Variants in CNTNAP2 observed in about 807,000 individuals in gnomAD.
CNTNAP2 encodes contactin associated protein 2.
Under a neutral mutation model 155.2 loss-of-function variants are expected in CNTNAP2, and 98 were observed. The observed-to-expected ratio is 0.63, with a 90% CI of 0.54 to 0.75. CNTNAP2 has a LOEUF of 0.75. CNTNAP2 is among the 30% of genes least tolerant of loss of function. CNTNAP2 has a pLI of 0.00. For synonymous variants in CNTNAP2, 651 were observed against 631.2 expected (o/e 1.03, Z -0.47); for missense variants, 1,727 against 1,688.1 (o/e 1.02, Z -0.40).
At chr7:147,440,043 G>A (rs974107316) in intron 10 of CNTNAP2, among the ~76,000 whole-genome samples, 5 of 151,938 alleles carry the variant, frequency 3.3e-5, no homozygotes, top group African/African-American at 1.2e-4. Flanking sequence ...TCATTGGAGA[G>A]TTTAGTACAT....
chr7:146,874,918 A>G (rs1795389573), intron 3 of CNTNAP2, among the ~76,000 whole-genome samples: 1 of 152,182 alleles, frequency 6.6e-6, no homozygotes, highest in Admixed American at 6.5e-5. Flanking sequence ...CCTATTGTGC[A>G]ATCATTCTTG....
chr7:148,310,315 C>G (rs1436925598), intron 21 of CNTNAP2, among the ~76,000 whole-genome samples: 1 of 152,204 alleles, frequency 6.6e-6, no homozygotes, highest in Non-Finnish European at 1.5e-5. Context: ...TAAGAATATA[C>G]AGAGTCCTCC....
rs1803097074 is a variant in CNTNAP2, at chr7:146,813,063, G to A, written c.209-26648G>A. On this transcript the variant is annotated intron_variant, in intron 2 of 23. Transcript: ENST00000361727. ...TGTGTGGAAATGCCTGGATGTCTAG[G>A]CAGAAGTTTGCTGCAGGGGTGGAGC... 3.3e-5 allele frequency among the ~76,000 whole-genome samples: 5 copies of A among 152,202 alleles called. No homozygotes were observed. In the South Asian group the frequency reaches 1.0e-3, roughly 32 times the overall value.
chr7:147,190,980 A>C (rs1483244894), intron 8 of CNTNAP2, among the ~76,000 whole-genome samples: 1 of 152,066 alleles, frequency 6.6e-6, no homozygotes, highest in Non-Finnish European at 1.5e-5. Flanking sequence ...AATAATAAGA[A>C]AAAAGTCAGG....
chr7:147,559,628 AAAG>A (rs1800020602), intron 11 of CNTNAP2, among the ~76,000 whole-genome samples: 1 of 152,178 alleles, frequency 6.6e-6, no homozygotes, highest in African/African-American at 2.4e-5. Flanking sequence ...TTATAATGGA[AAAG>A]AAGGGGAATG....
intron 3 of CNTNAP2, among the ~76,000 whole-genome samples, chr7:146,928,463 G>A (rs1796658492): frequency 1.3e-5 from 2 of 152,140 alleles, no homozygotes. Flanking sequence ...CAGCCAAGAT[G>A]GCCAAATAGG....
intron 8 of CNTNAP2, among the ~76,000 whole-genome samples, chr7:147,154,863 C>T (rs1801892437): frequency 6.6e-6 from 1 of 151,284 alleles, no homozygotes; most frequent in African/African-American, 2.4e-5. Flanking sequence ...GAAACAAAAA[C>T]ATATAGTTAG....
At chr7:146,486,751 G>T (rs956633549) in intron 1 of CNTNAP2, among the ~76,000 whole-genome samples, 5 of 152,172 alleles carry the variant, frequency 3.3e-5, no homozygotes, top group Admixed American at 6.5e-5. Flanking sequence ...ATATTCTTTT[G>T]GGAGAGCCAA....
intron 15 of CNTNAP2, among the ~76,000 whole-genome samples, chr7:148,038,587 G>A (rs1802611944): frequency 6.6e-6 from 1 of 152,110 alleles, no homozygotes; most frequent in Non-Finnish European, 1.5e-5. Flanking sequence ...AGGAAGTCAA[G>A]GATCATCTTA....
At chr7:146,503,009 A>C (rs1461763072) in intron 1 of CNTNAP2, among the ~76,000 whole-genome samples, 3 of 152,180 alleles carry the variant, frequency 2.0e-5, no homozygotes, top group Non-Finnish European at 4.4e-5. Context: ...TTCTTTTGAG[A>C]AATTTCTAGT....
At chr7:146,622,279 C>CTA (rs3077441) in intron 1 of CNTNAP2, among the ~76,000 whole-genome samples, 5 of 100,550 alleles carry the variant, frequency 5.0e-5, no homozygotes, top group Admixed American at 1.7e-4. Context: ...ATCTATCTAT[C>CTA]TATATATATA....
rs149379455 is a variant in CNTNAP2, at chr7:147,076,536, T to G, written c.551-31611T>G. Among the ~76,000 whole-genome samples the G allele has an allele frequency of 4.1e-4, 63 of 152,330 alleles. 1 individual carries two copies. The East Asian group carries it at 0.012, about 28-fold the overall frequency. ...CTTTGTAGATTCTGGATATTAGCCC[T>G]TTGTCAGATGGGTAGTATTTTTAAG... On this transcript the variant is annotated intron_variant, in intron 4 of 23. Coordinates refer to ENST00000361727, the MANE Select transcript of CNTNAP2 (RefSeq NM_014141.6).
At chr7:147,512,952 T>C (rs562546639) in intron 11 of CNTNAP2, among the ~76,000 whole-genome samples, 5 of 152,008 alleles carry the variant, frequency 3.3e-5, no homozygotes, top group Non-Finnish European at 7.4e-5. Flanking sequence ...AGAGAAAACA[T>C]AAGAAACCTA....
At chr7:147,186,120 A>G (rs1802561059) in intron 8 of CNTNAP2, among the ~76,000 whole-genome samples, 1 of 152,196 alleles carries the variant, frequency 6.6e-6, no homozygotes, top group Non-Finnish European at 1.5e-5. Context: ...GAAGAGAAGG[A>G]AAATATTACA....
intron 21 of CNTNAP2, among the ~76,000 whole-genome samples, chr7:148,329,440 G>A (rs1797947480): frequency 6.6e-6 from 1 of 152,178 alleles, no homozygotes; most frequent in Admixed American, 6.5e-5. Flanking sequence ...GCGGGCTGGG[G>A]ACAGTCTTCT....
At chr7:148,058,742 C>A (rs1253054801) in intron 15 of CNTNAP2, among the ~76,000 whole-genome samples, 1 of 152,142 alleles carries the variant, frequency 6.6e-6, no homozygotes, top group Non-Finnish European at 1.5e-5. Flanking sequence ...AGAAGGAGTA[C>A]ATGACCTCAC....
chr7:147,925,474 AT>A (rs923337789), intron 14 of CNTNAP2, among the ~76,000 whole-genome samples: 13 of 149,542 alleles, frequency 8.7e-5, no homozygotes, highest in African/African-American at 2.2e-4. Flanking sequence ...TTATTTTTTA[AT>A]TTTTTTTTTG....
chr7:148,365,312 C>T (rs2116625965), intron 21 of CNTNAP2, among the ~76,000 whole-genome samples: 1 of 152,252 alleles, frequency 6.6e-6, no homozygotes, highest in African/African-American at 2.4e-5. Context: ...TTTTTGAGCT[C>T]ATCCTGAAAA....
At chr7:146,713,875 A>G (rs1290619205) in intron 1 of CNTNAP2, among the ~76,000 whole-genome samples, 2 of 152,082 alleles carry the variant, frequency 1.3e-5, no homozygotes, top group Non-Finnish European at 2.9e-5. Flanking sequence ...CCTGTTTCCT[A>G]TCCACAGAGC....
Sources: allele counts gnomAD v4.1 joint callset (sites outside exome capture counted in the v4.1 genomes callset), GRCh38; gene constraint gnomAD v4.1.1; transcripts MANE v1.5; gene names NCBI Gene and HGNC (gene_info 2026-07-23, HGNC 2026-07-21).